Variants in XKR9 observed in about 807,000 individuals in gnomAD.
XKR9 encodes the protein XK related 9.
Under a neutral mutation model 32.0 loss-of-function variants are expected in XKR9, and 32 were observed. The ratio of observed to expected loss-of-function variants is 1.00; its 90% confidence interval spans 0.76 to 1.34. XKR9 has a LOEUF of 1.34. Among genes scored for constraint, XKR9 ranks in the 40% most tolerant of loss-of-function variants. The pLI is 0.00. For synonymous variants in XKR9, 168 were observed against 143.4 expected (o/e 1.17, Z -1.22); for missense variants, 546 against 429.7 (o/e 1.27, Z -2.39).
intron 2 of XKR9, among the ~76,000 whole-genome samples, chr8:70,675,996 C>T (rs537583507): frequency 9.9e-5 from 15 of 152,236 alleles, no homozygotes; most frequent in African/African-American, 3.6e-4. Context: ...TCTTGCATTG[C>T]TATAAAGAAA....
downstream of XKR9, among the ~76,000 whole-genome samples, chr8:70,740,882 G>T (rs1216604524): frequency 6.6e-6 from 1 of 152,216 alleles, no homozygotes; most frequent in African/African-American, 2.4e-5. Flanking sequence ...CCCTCCTGGG[G>T]GTTGCCTCCC....
chr8:70,847,040 A>G, the XKR9 span, among the ~76,000 whole-genome samples: 1 of 152,074 alleles, frequency 6.6e-6, no homozygotes, highest in African/African-American at 2.4e-5. Flanking sequence ...CAGAATACAC[A>G]TTCTTCTCAT....
At chr8:70,868,937 C>G in the XKR9 span, among the ~76,000 whole-genome samples, 1 of 152,186 alleles carries the variant, frequency 6.6e-6, no homozygotes, top group Non-Finnish European at 1.5e-5. Context: ...CTCTCAAGTT[C>G]AAAGTTCTAC....
At chr8:70,834,407 A>C in the XKR9 span, among the ~76,000 whole-genome samples, 4 of 152,216 alleles carry the variant, frequency 2.6e-5, no homozygotes, top group East Asian at 7.7e-4. Flanking sequence ...ATTAGCTTTT[A>C]AATAACAGAC....
chr8:70,749,734 C>T (rs1451404104), intron 2 of XKR9, among the ~76,000 whole-genome samples: 1 of 152,094 alleles, frequency 6.6e-6, no homozygotes, highest in African/African-American at 2.4e-5. Context: ...CCAGCAGGTG[C>T]AAGCAAACCC....
intron 3 of XKR9, among the ~76,000 whole-genome samples, chr8:70,698,125 C>CA (rs1358080788): frequency 6.6e-6 from 1 of 151,960 alleles, no homozygotes; most frequent in African/African-American, 2.4e-5. Flanking sequence ...TTGATCCTTT[C>CA]AAAAAACCAG....
At chr8:70,792,981 A>AT (rs1360712853), downstream of XKR9, among the ~76,000 whole-genome samples, 1 of 152,036 alleles carries the variant, frequency 6.6e-6, no homozygotes, top group East Asian at 1.9e-4. Flanking sequence ...AATTTTTAGA[A>AT]TTTTTGTTTT....
chr8:70,910,559 A>G, the XKR9 span, among the ~76,000 whole-genome samples: 1 of 152,260 alleles, frequency 6.6e-6, no homozygotes, highest in Non-Finnish European at 1.5e-5. Flanking sequence ...AAGCACAGAA[A>G]TGTGAACTAC....
the XKR9 span, among the ~76,000 whole-genome samples, chr8:70,847,280 A>T: frequency 6.6e-6 from 1 of 152,046 alleles, no homozygotes; most frequent in African/African-American, 2.4e-5. Context: ...AAATTAAAAA[A>T]TTTCTTAAAA....
chr8:70,813,680 A>G, the XKR9 span, among the ~76,000 whole-genome samples: 3 of 152,232 alleles, frequency 2.0e-5, no homozygotes, highest in African/African-American at 7.2e-5. Flanking sequence ...CACCCAAAAA[A>G]CACATGAAAA....
chr8:70,940,758 C>T, the XKR9 span, among the ~76,000 whole-genome samples: 1 of 152,004 alleles, frequency 6.6e-6, no homozygotes, highest in Non-Finnish European at 1.5e-5. Flanking sequence ...ATACACATAA[C>T]ATCTTCCTGG....
chr8:70,780,797 A>T (rs577752475), intron 2 of XKR9: 2 of 152,250 alleles, frequency 1.3e-5, no homozygotes, highest in Admixed American at 6.6e-5. Context: ...GGAACTGTCA[A>T]ATTAATTCAC....
the XKR9 span, among the ~76,000 whole-genome samples, chr8:70,935,208 T>TATACAC: frequency 1.0e-4 from 15 of 145,488 alleles, no homozygotes; most frequent in East Asian, 8.0e-4. Flanking sequence ...TATACATATA[T>TATACAC]ACACACACAC....
At chr8:70,896,646 TG>T in the XKR9 span, among the ~76,000 whole-genome samples, 1 of 152,032 alleles carries the variant, frequency 6.6e-6, no homozygotes, top group Admixed American at 6.6e-5. Context: ...TTCATTGTTT[TG>T]TTTAAAAAAT....
At chr8:70,800,576 C>T in the XKR9 span, among the ~76,000 whole-genome samples, 1 of 152,108 alleles carries the variant, frequency 6.6e-6, no homozygotes, top group Non-Finnish European at 1.5e-5. Context: ...ACCTTTGCCT[C>T]CTGGGCTCAA....
the XKR9 span, among the ~76,000 whole-genome samples, chr8:70,804,443 C>A: frequency 1.2e-4 from 19 of 152,152 alleles, no homozygotes; most frequent in Admixed American, 3.3e-4. Flanking sequence ...TATTAACTTT[C>A]TATGCCTCAA....
the XKR9 span, among the ~76,000 whole-genome samples, chr8:70,980,334 C>T: frequency 8.5e-5 from 13 of 152,326 alleles, no homozygotes; most frequent in East Asian, 2.5e-3. Flanking sequence ...AATCACACAT[C>T]TTCTGTGCCA....
chr8:70,926,143 C>G, the XKR9 span, among the ~76,000 whole-genome samples: 1 of 152,148 alleles, frequency 6.6e-6, no homozygotes, highest in East Asian at 1.9e-4. Context: ...GGCGCGATCT[C>G]GGCTCACTGC....
chr8:70,856,253 C>G, the XKR9 span, among the ~76,000 whole-genome samples: 3 of 152,150 alleles, frequency 2.0e-5, no homozygotes, highest in Non-Finnish European at 4.4e-5. Flanking sequence ...CAGAGACACA[C>G]ATAGGCTCAA....
Sources: gnomAD v4.1 joint callset for allele counts (sites outside exome capture counted in the v4.1 genomes callset) on GRCh38, gnomAD v4.1.1 for gene constraint, MANE v1.5 for transcripts, NCBI Gene and HGNC (gene_info 2026-07-23, HGNC 2026-07-21) for gene names.